MAN1B1: variants seen among roughly 807,000 people sequenced by gnomAD.
MAN1B1 encodes the protein endoplasmic reticulum mannosyl-oligosaccharide 1,2-alpha-mannosidase.
MAN1B1 carries 66 observed loss-of-function variants against 75.5 expected under a neutral mutation model. The observed-to-expected ratio is 0.87, with a 90% CI of 0.72 to 1.07. MAN1B1 has a LOEUF of 1.07. Ranked by LOEUF, MAN1B1 falls within the 50% of genes least tolerant of loss-of-function variation. The pLI is 0.00. For missense variants in MAN1B1, 973 were observed against 912.5 expected, an observed-to-expected ratio of 1.07 and a Z score of -0.85; for synonymous variants, 453 against 382.8, an observed-to-expected ratio of 1.18 and a Z score of -2.14.
chr9:137,091,519 AT>A (rs1830513018), intron 3 of MAN1B1, among the ~76,000 whole-genome samples: 1 of 100,470 alleles, frequency 1.0e-5, no homozygotes, highest in Non-Finnish European at 2.2e-5. Context: ...TTTTTGTTTT[AT>A]ATTTTTTTTT....
In MAN1B1 at chr9:137,108,670, G is replaced by A. The variant is rs747725222; in HGVS notation, c.*79G>A. ...TCTGTGGCATTTTCCAAGGGCCCAC[G>A]TAGCACCGGCAACCGCCAAGTGGCC... On this transcript the variant is annotated 3_prime_UTR_variant, in exon 13 of 13. Transcript: ENST00000371589. The A allele has an allele frequency of 1.2e-5, 17 of 1,378,948 alleles. No homozygotes were observed. The highest frequency in any genetic ancestry group is 1.7e-5 in the Non-Finnish European group (16 of 969,222). 85.4% of individuals were successfully genotyped at this position (1,378,948 alleles called of 1,614,324 possible). A position where few individuals can be genotyped will look rare whatever the true frequency, so the allele number is the denominator to read the frequency against.
In MAN1B1 at chr9:137,094,735, C is replaced by A. The variant is rs149651800; in HGVS notation, c.466-1502C>A. Among the ~76,000 whole-genome samples the A allele has an allele frequency of 2.2e-3, 339 of 151,964 alleles. 1 individual carries two copies. Among genetic ancestry groups the A allele is most frequent in the African/African-American group, 7.9e-3 (327 of 41,418 alleles). On this transcript the variant is annotated intron_variant, in intron 3 of 12. Transcript: ENST00000371589. ...CTCTACTAACAATACAAAAAATTAA[C>A]CTGGAGTGGTGGCGGGCGCCTGTAA...
At chr9:137,106,365 AG>A (rs1671017666) in intron 9 of MAN1B1, 50 bp downstream of exon 9, 1 of 1,452,038 alleles carries the variant, frequency 6.9e-7, no homozygotes, top group African/African-American at 1.5e-5. Flanking sequence ...CCGTTCCCGC[AG>A]CCCCCCACTC....
At chr9:137,099,974 G>A in intron 6 of MAN1B1, 93 bp downstream of exon 6, 1 of 1,416,446 alleles carries the variant, frequency 7.1e-7, no homozygotes, top group Non-Finnish European at 9.9e-7. Flanking sequence ...GAAAGCTGCT[G>A]TTTGCATCTG....
intron 7 of MAN1B1, 35 bp from the exon 8 acceptor site, chr9:137,101,449 C>G: frequency 1.9e-6 from 3 of 1,595,188 alleles, no homozygotes; most frequent in Non-Finnish European, 2.6e-6. Context: ...TCTGGGTGAC[C>G]TGAACGTTGG....
At chr9:137,102,028 C>T (rs569478519) in intron 8 of MAN1B1, 61 of 468,062 alleles carry the variant, frequency 1.3e-4, no homozygotes, top group Middle Eastern at 3.1e-4. Flanking sequence ...CTGTTGCAGG[C>T]GTGCAGGTTG....
chr9:137,103,654 A>C (rs1830982556), intron 8 of MAN1B1: 1 of 361,128 alleles, frequency 2.8e-6, no homozygotes, highest in Non-Finnish European at 5.3e-6. Context: ...ACACACATTC[A>C]CACTTGCAGG....
chr9:137,095,140 A>T (rs1426553755), intron 3 of MAN1B1, among the ~76,000 whole-genome samples: 1 of 152,050 alleles, frequency 6.6e-6, no homozygotes, highest in African/African-American at 2.4e-5. Flanking sequence ...GTGAGCCAAG[A>T]TTGCACCATT....
Position 137,088,149 on chromosome 9 carries a change from CCT to C in MAN1B1, c.297_298del (p.Phe100LeufsTer6). ...TTGCCTTTCTGCTTTTCTGTGGACTCCTCTTCTACATCAACTTGGCTGACCAT... is the reference window on the plus strand; with the variant it reads ...TTGCCTTTCTGCTTTTCTGTGGACTCCTTCTACATCAACTTGGCTGACCAT... ...LLAFLLFCGL[L>X]FYINLADHWK... is the part of the protein sequence containing the mutation. On this transcript the variant is annotated frameshift_variant, in exon 2 of 13. Transcript: ENST00000371589. LOFTEE classifies it high-confidence loss of function. 6.2e-7 allele frequency: 1 copy of C among 1,614,156 alleles called. No individual in the cohort carries two copies. Among genetic ancestry groups the C allele is most frequent in the Non-Finnish European group, 8.5e-7 (1 of 1,180,024 alleles).
chr9:137,101,028 G>T lies in MAN1B1; in HGVS notation c.940G>T (p.Val314Leu). The change falls in exon 7 of 13, where the codon GTG (valine) becomes TTG (leucine). Residue 314 changes from valine (V) to leucine (L), a missense_variant. Physicochemically the swap from Val to Leu is conservative, Grantham distance 32. Coordinates refer to ENST00000371589, the MANE Select transcript of MAN1B1 (RefSeq NM_016219.5). ...RKEFEEARKWVSKKLHFEKDV... is the reference protein window; with the variant it reads ...RKEFEEARKWLSKKLHFEKDV... ...AGAATTTGAGGAAGCCAGGAAGTGG[G>T]TGTCGAAGAAGTTACACTTTGAAAA... 1 of 1,614,212 alleles carries T rather than the reference G, an allele frequency of 6.2e-7. No individual in the cohort carries two copies. The highest frequency in any genetic ancestry group is 1.7e-5 in the Admixed American group (1 of 60,030).
chr9:137,088,060 CTG>C lies in MAN1B1; in HGVS notation c.220-13_220-12del. 1 of 1,593,324 alleles carries C rather than the reference CTG, an allele frequency of 6.3e-7. No homozygotes were observed. The highest frequency in any genetic ancestry group is 8.6e-7 in the Non-Finnish European group (1 of 1,160,966). On this transcript the variant is annotated splice_polypyrimidine_tract_variant and intron_variant, in intron 1 of 12. Transcript: ENST00000371589. ...TATATTCAGTAAGAAATGTCATTCT[CTG>C]TACCTCCCTTAGAAATGGAAGCAAC...
rs752449920 is a variant in MAN1B1 at position 137,101,888 on chromosome 9, C to T, written c.1254+216C>T. ...GCGTGCAGGTCGGTGGTGTTACACACATTCACACTGTTGCAGGCGTGCAGG... is the reference window on the plus strand; with the variant it reads ...GCGTGCAGGTCGGTGGTGTTACACATATTCACACTGTTGCAGGCGTGCAGG... On this transcript the variant is annotated intron_variant, in intron 8 of 12. Transcript: ENST00000371589. 29 of 684,930 alleles carry T rather than the reference C, an allele frequency of 4.2e-5. 1 individual carries two copies. The South Asian group carries it at 4.3e-4, about 10-fold the overall frequency. The allele number at this position is 684,930 out of a possible 1,614,324, so 42.4% of individuals were successfully genotyped here. A position where few individuals can be genotyped will look rare whatever the true frequency, so the allele number is the denominator to read the frequency against.
rs574096338 is a variant in MAN1B1 at position 137,095,375 on chromosome 9, A to T, written c.466-862A>T. Among the ~76,000 whole-genome samples the T allele has an allele frequency of 7.9e-3, 1,166 of 147,648 alleles. 4 individuals carry two copies. Among genetic ancestry groups the T allele is most frequent in the Non-Finnish European group, 0.012 (778 of 66,724 alleles). On this transcript the variant is annotated intron_variant, in intron 3 of 12. Transcript: ENST00000371589. Reference sequence around the variant, plus strand: ...TAAGTAAGCATTCTTTCCTTTTTTAAAAAAAAAAAAAGTGGAGCAATCTAA... The same window carrying T: ...TAAGTAAGCATTCTTTCCTTTTTTATAAAAAAAAAAAGTGGAGCAATCTAA...
chr9:137,088,095 A>T lies in MAN1B1; in HGVS notation c.240A>T (p.Arg80Ser). The T allele has an allele frequency of 1.9e-6, 3 of 1,614,136 alleles. No homozygotes were observed. The highest frequency in any genetic ancestry group is 2.5e-6 in the Non-Finnish European group (3 of 1,179,984). Reference sequence around the variant, plus strand: ...CTTAGAAATGGAAGCAACTGTCGAGATTGCAGCGGAATATGATTCTCTTCC... The same window carrying T: ...CTTAGAAATGGAAGCAACTGTCGAGTTTGCAGCGGAATATGATTCTCTTCC... ...SCWRKWKQLS[R>S]LQRNMILFLL... is the part of the protein sequence containing the mutation. Residue 80 changes from arginine (R) to serine (S), a missense_variant, in exon 2 of 13, where the codon AGA becomes AGT. Arg to Ser is a moderately radical substitution (Grantham distance 110, BLOSUM62 -1). Transcript: ENST00000371589.
chr9:137,104,099 A>G (rs1401983177), intron 8 of MAN1B1: 1 of 456,576 alleles, frequency 2.2e-6, no homozygotes, highest in Non-Finnish European at 4.4e-6. Flanking sequence ...TTTTCATCTT[A>G]AAACTGAAGC....
chr9:137,094,985 C>T (rs550351130), intron 3 of MAN1B1, among the ~76,000 whole-genome samples: 22 of 151,016 alleles, frequency 1.5e-4, no homozygotes, highest in Non-Finnish European at 2.5e-4. Flanking sequence ...GTCAGGAGTT[C>T]GAGACCAGCC....
In MAN1B1 at chr9:137,101,553, A is replaced by G. The variant is rs764413257; in HGVS notation, c.1135A>G (p.Ile379Val). The G allele has an allele frequency of 7.4e-6, 12 of 1,613,792 alleles. No individual in the cohort carries two copies. The highest frequency in any genetic ancestry group is 1.6e-4 in the Middle Eastern group (1 of 6,082). Residue 379 changes from isoleucine to valine, a missense_variant, in exon 8 of 13, where the codon ATC becomes GTC. By Grantham distance (29) the Ile-to-Val change is conservative. Transcript: ENST00000371589. Reference protein sequence around the residue: ...PSKIPYSDVNIGTGVAHPPRW... With the variant: ...PSKIPYSDVNVGTGVAHPPRW... Reference sequence around the variant, plus strand: ...CAAGATTCCTTACTCGGATGTGAACATCGGTACTGGAGTTGCCCACCCGCC... The same window carrying G: ...CAAGATTCCTTACTCGGATGTGAACGTCGGTACTGGAGTTGCCCACCCGCC...
In MAN1B1 at chr9:137,101,581, G is replaced by T; in HGVS notation, c.1163G>T (p.Arg388Leu). 1 of 1,613,874 alleles carries T rather than the reference G, an allele frequency of 6.2e-7. No individual in the cohort carries two copies. The highest frequency in any genetic ancestry group is 8.5e-7 in the Non-Finnish European group (1 of 1,180,038). The change falls in exon 8 of 13, where the codon CGG becomes CTG. Residue 388 changes from arginine to leucine, a missense_variant. Arg to Leu is a moderately radical substitution (Grantham distance 102). Coordinates refer to ENST00000371589, the MANE Select transcript of MAN1B1 (RefSeq NM_016219.5). Reference protein sequence around the residue: ...NIGTGVAHPPRWTSDSTVAEV... With the variant: ...NIGTGVAHPPLWTSDSTVAEV... ...GGTACTGGAGTTGCCCACCCGCCAC[G>T]GTGGACCTCCGACAGCACTGTGGCC...
At position 137,107,666 on chromosome 9, in the gene MAN1B1, A is replaced by G; in HGVS notation, c.1896+4A>G. 6.2e-6 allele frequency: 10 copies of G among 1,609,618 alleles called. No homozygotes were observed. The highest frequency in any genetic ancestry group is 8.5e-6 in the Non-Finnish European group (10 of 1,179,932). ...GAGCTTCAGCCGATTCACACGGGTG[A>G]GCACCTGTCCTCGCCCCGCGTGGTC... On this transcript the variant is annotated splice_donor_region_variant and intron_variant, in intron 12 of 12. Coordinates refer to ENST00000371589, the MANE Select transcript of MAN1B1 (RefSeq NM_016219.5).
Sources: allele counts gnomAD v4.1 joint callset (sites outside exome capture counted in the v4.1 genomes callset), GRCh38; gene constraint gnomAD v4.1.1; transcripts MANE v1.5; gene names NCBI Gene and HGNC (gene_info 2026-07-23, HGNC 2026-07-21).